CCBE1: variants seen among roughly 807,000 people sequenced by gnomAD.
CCBE1 encodes collagen and calcium-binding EGF domain-containing protein 1.
A neutral mutation model predicts 50.0 loss-of-function variants in CCBE1; 37 were observed. The observed-to-expected ratio is 0.74, with a 90% confidence interval of 0.57 to 0.97. CCBE1 has a LOEUF of 0.97. CCBE1 is among the 50% of genes least tolerant of loss of function. The pLI, the probability that CCBE1 is intolerant of heterozygous loss-of-function variation, is 0.00. For synonymous variants in CCBE1, 234 were observed against 203.7 expected (o/e 1.15, Z -1.27); for missense variants, 538 against 523.8 (o/e 1.03, Z -0.26).
intron 2 of CCBE1, among the ~76,000 whole-genome samples, chr18:59,620,600 G>A (rs994505536): frequency 1.3e-5 from 2 of 152,144 alleles, no homozygotes; most frequent in Non-Finnish European, 2.9e-5. Context: ...GACCTGATGG[G>A]AGGTAATTGA....
chr18:59,673,240 C>T (rs928211552), intron 2 of CCBE1, among the ~76,000 whole-genome samples: 8 of 152,142 alleles, frequency 5.3e-5, no homozygotes, highest in Non-Finnish European at 5.9e-5. Flanking sequence ...GACTTGAGGT[C>T]AGGAGTTTGA....
chr18:59,573,297 A>ATATATATATATATATATATATATATC (rs2052944583), intron 2 of CCBE1, among the ~76,000 whole-genome samples: 1 of 122,206 alleles, frequency 8.2e-6, no homozygotes, highest in Non-Finnish European at 1.6e-5. Context: ...ATATATATAT[A>ATATATATATATATATATATATATATC]TATATGTATG....
intron 2 of CCBE1, among the ~76,000 whole-genome samples, chr18:59,606,618 C>T (rs577992383): frequency 2.0e-5 from 3 of 152,084 alleles, no homozygotes; most frequent in Non-Finnish European, 2.9e-5. Flanking sequence ...CATAAACAAA[C>T]CTTGGAAGGG....
chr18:59,594,346 A>C lies in CCBE1; in HGVS notation c.212+102283T>G, dbSNP rs140138573. Among the ~76,000 whole-genome samples, 126 of 152,366 alleles carry C rather than the reference A, an allele frequency of 8.3e-4. 1 individual carries two copies. Among genetic ancestry groups the C allele is most frequent in the African/African-American group, 2.9e-3 (120 of 41,594 alleles). The stretch of plus-strand genomic sequence containing the variant: ...GAACACAGCCAGGGCTAGTGTAGTC[A>C]AATTCAGAGAGACAGAAAATAGAAT... On this transcript the variant is annotated intron_variant, in intron 2 of 10. Transcript: ENST00000439986.
At position 59,569,995 on chromosome 18, in the gene CCBE1, C is replaced by T. The variant is rs147346111; in HGVS notation, c.213-89757G>A. 1.0e-3 allele frequency among the ~76,000 whole-genome samples: 153 copies of T among 152,322 alleles called. 1 individual carries two copies. In the East Asian group the frequency reaches 0.025, roughly 25 times the overall value. On this transcript the variant is annotated intron_variant, in intron 2 of 10. Transcript: ENST00000439986. ...ATGCCAGATTCTACAACTTCTTTCT[C>T]TCATTCTTAAACAGAATATCAAAGG...
At chr18:59,469,942 A>G (rs1032012364) in intron 3 of CCBE1, among the ~76,000 whole-genome samples, 1 of 152,104 alleles carries the variant, frequency 6.6e-6, no homozygotes, top group Non-Finnish European at 1.5e-5. Context: ...TGTCTTGTTC[A>G]TCAACTGCTG....
chr18:59,545,950 T>C (rs1915665794), intron 2 of CCBE1, among the ~76,000 whole-genome samples: 1 of 152,212 alleles, frequency 6.6e-6, no homozygotes, highest in South Asian at 2.1e-4. Flanking sequence ...GTCAGCAGCG[T>C]GAAAATGAAC....
At chr18:59,596,538 G>T (rs1382491440) in intron 2 of CCBE1, among the ~76,000 whole-genome samples, 1 of 152,094 alleles carries the variant, frequency 6.6e-6, no homozygotes, top group Non-Finnish European at 1.5e-5. Context: ...ATACGGCGGA[G>T]GAAAAAAGCT....
In CCBE1 at chr18:59,591,611, C is replaced by G. The variant is rs73961270; in HGVS notation, c.212+105018G>C. 7.1e-3 allele frequency among the ~76,000 whole-genome samples: 1,076 copies of G among 152,224 alleles called. 14 individuals are homozygous for G. The highest frequency in any genetic ancestry group is 0.025 in the African/African-American group (1,025 of 41,544). On this transcript the variant is annotated intron_variant, in intron 2 of 10. Coordinates refer to ENST00000439986, the MANE Select transcript of CCBE1 (RefSeq NM_133459.4). ...TAAGTGTGTTAAGAGATTTCCAAGT[C>G]TACCCATAAGAAGACTGGCAAAAAT...
At chr18:59,569,081 C>T (rs149159446) in intron 2 of CCBE1, among the ~76,000 whole-genome samples, 13 of 152,298 alleles carry the variant, frequency 8.5e-5, no homozygotes, top group Middle Eastern at 3.4e-3. Context: ...TATCTCCAAA[C>T]GATGTTCGAT....
intron 2 of CCBE1, among the ~76,000 whole-genome samples, chr18:59,620,327 T>G (rs2053696242): frequency 6.6e-6 from 1 of 152,032 alleles, no homozygotes. Flanking sequence ...ATTTACCTGG[T>G]TGGAGGAGAA....
intron 2 of CCBE1, among the ~76,000 whole-genome samples, chr18:59,485,327 T>A (rs1912764911): frequency 6.6e-6 from 1 of 152,066 alleles, no homozygotes; most frequent in Admixed American, 6.5e-5. Context: ...GTGTGAGCTT[T>A]TGGAAGGAAA....
intron 3 of CCBE1, among the ~76,000 whole-genome samples, chr18:59,479,151 A>T (rs1162633106): frequency 6.6e-6 from 1 of 152,226 alleles, no homozygotes; most frequent in Non-Finnish European, 1.5e-5. Flanking sequence ...GCAAAGGTGA[A>T]GAAAACTGTT....
chr18:59,497,816 C>T (rs904241715), intron 2 of CCBE1, among the ~76,000 whole-genome samples: 3 of 152,172 alleles, frequency 2.0e-5, no homozygotes, highest in Non-Finnish European at 4.4e-5. Flanking sequence ...TGAGGCAACG[C>T]TCCTGCCCCT....
chr18:59,466,972 T>C, intron 4 of CCBE1, 81 bp from the exon 5 acceptor site: 1 of 1,272,152 alleles, frequency 7.9e-7, no homozygotes, highest in Non-Finnish European at 1.1e-6. Context: ...GCTTTGCCTC[T>C]CTGTTAATAA....
intron 2 of CCBE1, among the ~76,000 whole-genome samples, chr18:59,561,806 T>C (rs1013076216): frequency 6.6e-6 from 1 of 152,178 alleles, no homozygotes; most frequent in African/African-American, 2.4e-5. Flanking sequence ...GAGCCGGCTG[T>C]GCAGCTGTGT....
intron 6 of CCBE1, among the ~76,000 whole-genome samples, chr18:59,452,416 C>G: frequency 6.6e-6 from 1 of 151,922 alleles, no homozygotes; most frequent in Non-Finnish European, 1.5e-5. Flanking sequence ...CATAGAGAAA[C>G]CCTGTCTCCA....
intron 2 of CCBE1, among the ~76,000 whole-genome samples, chr18:59,618,642 G>C (rs571021768): frequency 6.6e-6 from 1 of 152,114 alleles, no homozygotes; most frequent in South Asian, 2.1e-4. Flanking sequence ...TGGCCAGGCT[G>C]GTCTCAAACT....
intron 2 of CCBE1, among the ~76,000 whole-genome samples, chr18:59,523,695 G>T (rs955465291): frequency 8.5e-5 from 13 of 152,128 alleles, no homozygotes; most frequent in South Asian, 2.1e-4. Flanking sequence ...AGTAGGTCAG[G>T]GTTGGATAAT....
Sources: allele counts gnomAD v4.1 joint callset (sites outside exome capture counted in the v4.1 genomes callset), GRCh38; gene constraint gnomAD v4.1.1; transcripts MANE v1.5; gene names NCBI Gene and HGNC (gene_info 2026-07-23, HGNC 2026-07-21).